HMCN1: variants seen among roughly 807,000 people sequenced by gnomAD.
The protein encoded by HMCN1 is hemicentin 1.
A neutral mutation model predicts 625.9 loss-of-function variants in HMCN1; 321 were observed. The observed-to-expected ratio is 0.51, with a 90% CI of 0.47 to 0.56. The LOEUF (loss-of-function observed/expected upper bound fraction) is 0.56, where lower values mean the gene tolerates loss of function less well. Ranked by LOEUF, HMCN1 falls within the 20% of genes least tolerant of loss-of-function variation. HMCN1 has a pLI of 0.00. For synonymous variants in HMCN1, 2,425 were observed against 2,417.6 expected, an observed-to-expected ratio of 1.00 and a Z score of -0.09; for missense variants, 6,588 against 6,887.3, an observed-to-expected ratio of 0.96 and a Z score of 1.54.
intron 15 of HMCN1, among the ~76,000 whole-genome samples, chr1:185,974,235 T>C (rs889049852): frequency 6.6e-6 from 1 of 152,136 alleles, no homozygotes; most frequent in Non-Finnish European, 1.5e-5. Flanking sequence ...AAATTAACCA[T>C]AGATACATTA....
At chr1:186,175,608 C>T (rs548534448) in intron 103 of HMCN1, among the ~76,000 whole-genome samples, 1 of 151,988 alleles carries the variant, frequency 6.6e-6, no homozygotes, top group Non-Finnish European at 1.5e-5. Context: ...TCAGCCATAA[C>T]CGTGACTTTT....
At chr1:186,099,660 T>C (rs968710167) in intron 68 of HMCN1, among the ~76,000 whole-genome samples, 1 of 152,094 alleles carries the variant, frequency 6.6e-6, no homozygotes, top group Admixed American at 6.6e-5. Flanking sequence ...TTCTGTGGGA[T>C]GGTAGATTTC....
chr1:185,889,040 G>C lies in HMCN1; in HGVS notation c.622-20297G>C, dbSNP rs1407406095. Among the ~76,000 whole-genome samples the C allele has an allele frequency of 6.0e-3, 824 of 136,490 alleles. 4 individuals carry two copies. Among genetic ancestry groups the C allele is most frequent in the African/African-American group, 0.026 (755 of 28,504 alleles). The allele number at this position is 136,490 out of a possible 152,430, so 89.5% of individuals were successfully genotyped here. A position where few individuals can be genotyped will look rare whatever the true frequency, so the allele number is the denominator to read the frequency against. ...GGTCCTTCACATCCCTTGTAAGTTG[G>C]ATTCCTAGGTATTTTATTCTCTTTG... On this transcript the variant is annotated intron_variant, in intron 4 of 106. Transcript: ENST00000271588.
chr1:186,169,554 C>T (rs982017659), intron 100 of HMCN1, among the ~76,000 whole-genome samples: 4 of 152,176 alleles, frequency 2.6e-5, no homozygotes, highest in Admixed American at 2.0e-4. Context: ...ACCATCTGAT[C>T]TTTGACAAAC....
intron 11 of HMCN1, among the ~76,000 whole-genome samples, chr1:185,959,574 T>C (rs1043038129): frequency 1.3e-5 from 2 of 152,150 alleles, no homozygotes; most frequent in African/African-American, 2.4e-5. Flanking sequence ...AATAGAGTGC[T>C]GTGTTCCCAT....
Position 186,095,274 on chromosome 1 carries a change from A to G in HMCN1, c.10326A>G (p.Thr3442=). ...CAAATATGGACAATTCAATGGGGACAGAGGAAATCACAGTTCTCAAAGGTA... is the reference window on the plus strand; with the variant it reads ...CAAATATGGACAATTCAATGGGGACGGAGGAAATCACAGTTCTCAAAGGTA... ...APPNMDNSMG[T]EEITVLKGSS... The change falls in exon 68 of 107, where the codon ACA becomes ACG. Residue 3442 remains threonine, a synonymous_variant. Transcript: ENST00000271588. 6.2e-7 allele frequency: 1 copy of G among 1,613,776 alleles called. No homozygotes were observed. The highest frequency in any genetic ancestry group is 8.5e-7 in the Non-Finnish European group (1 of 1,179,806).
Position 186,119,756 on chromosome 1 carries a change from A to G in HMCN1, c.11968A>G (p.Ile3990Val), listed in dbSNP as rs766726643. The change falls in exon 79 of 107, where the codon ATT (isoleucine) becomes GTT (valine). Residue 3990 changes from isoleucine to valine, a missense_variant. Ile to Val is a conservative substitution (Grantham distance 29). Around this residue, in one of 3 missense-constraint regions of HMCN1, gnomAD observed 4,628 missense variants for 4,853.1 expected, o/e 0.95. Coordinates refer to ENST00000271588, the MANE Select transcript of HMCN1 (RefSeq NM_031935.3). The part of the protein sequence containing the change: ...VTLHVHEPPV[I>V]QPQPSELHVI... ...TGGTTTTTTTATAGAGCCTCCAGTC[A>G]TTCAGCCCCAACCAAGTGAACTACA... The G allele has an allele frequency of 6.2e-7, 1 of 1,613,996 alleles. No homozygotes were observed. The highest frequency in any genetic ancestry group is 1.1e-5 in the South Asian group (1 of 91,090).
intron 6 of HMCN1, among the ~76,000 whole-genome samples, chr1:185,913,591 A>G (rs183302526): frequency 1.4e-4 from 21 of 152,264 alleles, no homozygotes; most frequent in Non-Finnish European, 2.8e-4. Flanking sequence ...TCCATTATTG[A>G]CTGTGAAATA....
intron 10 of HMCN1, among the ~76,000 whole-genome samples, chr1:185,929,582 G>A (rs1368376030): frequency 6.6e-6 from 1 of 152,062 alleles, no homozygotes; most frequent in African/African-American, 2.4e-5. Flanking sequence ...TGCTGCTGTT[G>A]AATTTATTAC....
At chr1:186,152,660 A>T (rs1279336441) in intron 95 of HMCN1, 90 bp from the exon 96 acceptor site, 1 of 1,520,586 alleles carries the variant, frequency 6.6e-7, no homozygotes, top group Non-Finnish European at 9.1e-7. Context: ...CTCAAAAAGC[A>T]TAGCTGAACT....
At chr1:186,015,920 C>A in intron 31 of HMCN1, 38 bp from the exon 32 acceptor site, 4 of 1,582,072 alleles carry the variant, frequency 2.5e-6, no homozygotes, top group Non-Finnish European at 3.5e-6. Flanking sequence ...TGTGACCACA[C>A]AAATAATTGC....
At chr1:186,097,422 G>T (rs1315295757) in intron 68 of HMCN1, among the ~76,000 whole-genome samples, 1 of 152,024 alleles carries the variant, frequency 6.6e-6, no homozygotes, top group African/African-American at 2.4e-5. Flanking sequence ...CCTACTGCCG[G>T]GCTTGAGCAT....
intron 40 of HMCN1, among the ~76,000 whole-genome samples, chr1:186,045,085 G>T (rs576594414): frequency 6.6e-6 from 1 of 152,168 alleles, no homozygotes; most frequent in African/African-American, 2.4e-5. Context: ...TTGTTCTTTA[G>T]AAAGTTGACA....
rs371538371 is a variant in HMCN1 at position 186,094,397 on chromosome 1, A to G, written c.10294+24A>G. The G allele has an allele frequency of 4.5e-6, 7 of 1,541,146 alleles. No homozygotes were observed. The Admixed American group carries it at 1.0e-4, about 22-fold the overall frequency. On this transcript the variant is annotated intron_variant, in intron 67 of 106. Coordinates refer to ENST00000271588, the MANE Select transcript of HMCN1 (RefSeq NM_031935.3). ...TGGTATGTGTCACAGAAATGACCCT[A>G]TTACTTTGCTATGTCAAGTATTAAG... is the stretch of plus-strand genomic sequence containing the variant.
rs553549406 is a variant in HMCN1 at position 185,952,876 on chromosome 1, G to A, written c.1829-9642G>A. ...AAAAGCAGAGAAAGGATTGGGACAC[G>A]GAAATAAGGAATTGGGGCACAGAGA... On this transcript the variant is annotated intron_variant, in intron 11 of 106. Coordinates refer to ENST00000271588, the MANE Select transcript of HMCN1 (RefSeq NM_031935.3). Among the ~76,000 whole-genome samples, 110 of 151,544 alleles carry A rather than the reference G, an allele frequency of 7.3e-4. 2 individuals carry two copies. Among genetic ancestry groups the A allele is most frequent in the Middle Eastern group, 3.4e-3 (1 of 294 alleles).
intron 1 of HMCN1, among the ~76,000 whole-genome samples, chr1:185,802,723 C>G (rs1033676301): frequency 2.6e-5 from 4 of 152,070 alleles, no homozygotes; most frequent in African/African-American, 9.7e-5. Flanking sequence ...TGACTTGACT[C>G]AGGATTGTTT....
intron 48 of HMCN1, among the ~76,000 whole-genome samples, chr1:186,063,169 A>C (rs1259622176): frequency 7.0e-6 from 1 of 143,696 alleles, no homozygotes; most frequent in African/African-American, 2.6e-5. Flanking sequence ...TGCTATTGTG[A>C]ATAGTGCTCT....
intron 103 of HMCN1, among the ~76,000 whole-genome samples, chr1:186,174,979 T>G (rs924121494): frequency 3.3e-5 from 5 of 152,236 alleles, no homozygotes; most frequent in African/African-American, 1.2e-4. Context: ...CATAAATGTT[T>G]GCATAGATAC....
Position 185,984,325 on chromosome 1 carries a change from A to G in HMCN1, c.2935+12A>G. The G allele has an allele frequency of 6.2e-7, 1 of 1,613,654 alleles. No individual in the cohort carries two copies. The highest frequency in any genetic ancestry group is 8.5e-7 in the Non-Finnish European group (1 of 1,179,660). Reference sequence around the variant, plus strand: ...TGTGGTTGTGCATGGTAAGAGACACACCCAATGTTATTGTTTCGAAACTGT... The same window carrying G: ...TGTGGTTGTGCATGGTAAGAGACACGCCCAATGTTATTGTTTCGAAACTGT... On this transcript the variant is annotated intron_variant, in intron 19 of 106. Coordinates refer to ENST00000271588, the MANE Select transcript of HMCN1 (RefSeq NM_031935.3).
Sources: allele counts gnomAD v4.1 joint callset (sites outside exome capture counted in the v4.1 genomes callset), GRCh38; gene constraint gnomAD v4.1.1; regional missense constraint gnomAD v4.1.1; transcripts MANE v1.5; gene names NCBI Gene and HGNC (gene_info 2026-07-23, HGNC 2026-07-21).